The following SLC7A7 variants were observed in gnomAD, a reference collection of about 807,000 sequenced individuals.
SLC7A7 encodes the protein Y+L amino acid transporter 1.
A neutral mutation model predicts 47.9 loss-of-function variants in SLC7A7; 39 were observed. The observed-to-expected ratio is 0.81, with a 90% CI of 0.63 to 1.06. SLC7A7 has a LOEUF of 1.06. Among genes scored for constraint, SLC7A7 ranks in the 50% least tolerant of loss-of-function variants. SLC7A7 has a pLI of 0.00. For missense variants in SLC7A7, 588 were observed against 632.0 expected, an observed-to-expected ratio of 0.93 and a Z score of 0.75; for synonymous variants, 234 against 242.8, an observed-to-expected ratio of 0.96 and a Z score of 0.34.
At chr14:22,778,673 A>C in intron 4 of SLC7A7, 120 bp downstream of exon 4, 1 of 1,088,188 alleles carries the variant, frequency 9.2e-7, no homozygotes, top group Non-Finnish European at 1.3e-6. Flanking sequence ...CCTCCCATCT[A>C]TTAAAATGAG....
At chr14:22,779,871 G>A (rs1402289223) in intron 3 of SLC7A7, 55 bp downstream of exon 3, 2 of 1,511,442 alleles carry the variant, frequency 1.3e-6, no homozygotes, top group Non-Finnish European at 1.8e-6. Flanking sequence ...TTAGAGGAGT[G>A]CGGCTCACAG....
chr14:22,817,662 A>G (rs538462801), upstream of SLC7A7, among the ~76,000 whole-genome samples: 1 of 152,294 alleles, frequency 6.6e-6, no homozygotes, highest in African/African-American at 2.4e-5. Context: ...TTTCTAGTAG[A>G]GACGAGGTTT....
At chr14:22,812,551 G>C (rs28494892) in intron 2 of SLC7A7, among the ~76,000 whole-genome samples, 2,168 of 151,132 alleles carry the variant, frequency 0.014, 56 homozygotes, top group African/African-American at 0.048. Flanking sequence ...CAGGAGGATA[G>C]CTTGAGCCTA....
chr14:22,792,988 C>T (rs2038952629), intron 2 of SLC7A7, among the ~76,000 whole-genome samples: 2 of 150,738 alleles, frequency 1.3e-5, no homozygotes, highest in African/African-American at 4.9e-5. Context: ...GCGATCTTGG[C>T]TCACTGCAAC....
chr14:22,788,575 G>T (rs984847081), intron 2 of SLC7A7, among the ~76,000 whole-genome samples: 2 of 150,056 alleles, frequency 1.3e-5, no homozygotes, highest in African/African-American at 2.5e-5. Context: ...GTGGTGGCGG[G>T]CACCTGTCAT....
rs34757325 is a variant in SLC7A7 at position 22,780,199 on chromosome 14, CG to C, written c.500-149del. ...CTGACCTGCTCTGCACTGGAACCCT[CG>C]GGGCCCCAGAATGTCCTCACCATTA... On this transcript the variant is annotated intron_variant, in intron 2 of 9. Coordinates refer to ENST00000674313, the MANE Select transcript of SLC7A7 (RefSeq NM_003982.4). 211,379 of 1,024,230 alleles carry C rather than the reference CG, an allele frequency of 0.21. 24,983 individuals carry two copies. Among genetic ancestry groups the C allele is most frequent in the East Asian group, 0.37 (14,363 of 38,846 alleles). The allele number at this position is 1,024,230 out of a possible 1,614,324, so 63.4% of individuals were successfully genotyped here.
At chr14:22,813,617 C>CTATG (rs1468831458) in intron 1 of SLC7A7, among the ~76,000 whole-genome samples, 177 bp from the exon 2 acceptor site, 1 of 152,060 alleles carries the variant, frequency 6.6e-6, no homozygotes, top group Non-Finnish European at 1.5e-5. Context: ...GTCTATCTAT[C>CTATG]TATGTATTTA....
intron 7 of SLC7A7, 59 bp downstream of exon 7, chr14:22,775,385 G>A: frequency 7.7e-7 from 1 of 1,295,574 alleles, no homozygotes; most frequent in South Asian, 1.2e-5. Context: ...AGTCGCTTCT[G>A]CTGTTACTAA....
chr14:22,814,210 G>A (rs28505834), intron 1 of SLC7A7, among the ~76,000 whole-genome samples: 1,822 of 151,844 alleles, frequency 0.012, 38 homozygotes, highest in African/African-American at 0.041. Flanking sequence ...TGGGCCGGGC[G>A]CTGTGGCTCA....
chr14:22,806,612 T>C (rs557865376), intron 2 of SLC7A7, among the ~76,000 whole-genome samples: 2 of 152,174 alleles, frequency 1.3e-5, no homozygotes, highest in Non-Finnish European at 2.9e-5. Flanking sequence ...AATCTCTAGC[T>C]TCATGAACTC....
At chr14:22,802,483 T>C (rs1013565978) in intron 2 of SLC7A7, among the ~76,000 whole-genome samples, 2 of 152,070 alleles carry the variant, frequency 1.3e-5, no homozygotes, top group African/African-American at 4.8e-5. Context: ...GGGGATACAG[T>C]GGATTATAGA....
chr14:22,777,443 C>A (rs776306166), intron 4 of SLC7A7, among the ~76,000 whole-genome samples: 1 of 152,160 alleles, frequency 6.6e-6, no homozygotes, highest in Non-Finnish European at 1.5e-5. Context: ...CTGCCCACCC[C>A]TTCCTCAGTT....
At chr14:22,774,299 TA>T in intron 8 of SLC7A7, 54 bp downstream of exon 8, 1 of 1,613,464 alleles carries the variant, frequency 6.2e-7, no homozygotes, top group Non-Finnish European at 8.5e-7. Flanking sequence ...TAGTCCCTTG[TA>T]GCAACAACTC....
chr14:22,804,022 C>T (rs1339665190), intron 2 of SLC7A7, among the ~76,000 whole-genome samples: 1 of 152,100 alleles, frequency 6.6e-6, no homozygotes, highest in East Asian at 1.9e-4. Flanking sequence ...GATTGGTTTC[C>T]CAGTTACTAG....
chr14:22,813,553 C>T (rs2039358103), intron 1 of SLC7A7, 113 bp from the exon 2 acceptor site: 8 of 797,654 alleles, frequency 1.0e-5, no homozygotes, highest in Non-Finnish European at 1.7e-5. Flanking sequence ...GCGGAGACCT[C>T]CAAATAACCT....
chr14:22,773,563 A>G lies in SLC7A7; in HGVS notation c.*47T>C, dbSNP rs2038518771. 2 of 1,514,932 alleles carry G rather than the reference A, an allele frequency of 1.3e-6. No homozygotes were observed. Among genetic ancestry groups the G allele is most frequent in the Non-Finnish European group, 1.8e-6 (2 of 1,089,678 alleles). 93.8% of individuals were successfully genotyped at this position (1,514,932 alleles called of 1,614,324 possible). On this transcript the variant is annotated 3_prime_UTR_variant, in exon 10 of 10. Coordinates refer to ENST00000674313, the MANE Select transcript of SLC7A7 (RefSeq NM_003982.4). ...CTTTTCAACTTCCTTAGCTCTAGCC[A>G]GTAGACCAGAAACCCCTGCTTTCCA...
intron 2 of SLC7A7, among the ~76,000 whole-genome samples, chr14:22,792,592 C>T (rs555930834): frequency 1.1e-4 from 16 of 152,184 alleles, no homozygotes; most frequent in Admixed American, 5.2e-4. Context: ...GGTGGTGGCT[C>T]ACACCTGTAA....
chr14:22,818,824 C>T (rs2039441110), upstream of SLC7A7, among the ~76,000 whole-genome samples: 1 of 152,022 alleles, frequency 6.6e-6, no homozygotes, highest in Non-Finnish European at 1.5e-5. Flanking sequence ...GAACTCCTGA[C>T]CTCGTGATCC....
chr14:22,775,616 TC>T, intron 6 of SLC7A7, 76 bp from the exon 7 acceptor site: 2 of 1,220,350 alleles, frequency 1.6e-6, no homozygotes, highest in Non-Finnish European at 1.2e-6. Context: ...CACATGGCCC[TC>T]CCTCTCTGCC....
Sources: gnomAD v4.1 joint callset for allele counts (sites outside exome capture counted in the v4.1 genomes callset) on GRCh38, gnomAD v4.1.1 for gene constraint, MANE v1.5 for transcripts, NCBI Gene and HGNC (gene_info 2026-07-23, HGNC 2026-07-21) for gene names.